The following COL5A3 variants were observed in gnomAD, a reference collection of about 807,000 sequenced individuals.
COL5A3 encodes collagen alpha-3(V) chain.
In COL5A3, 172 loss-of-function variants were observed where a neutral mutation model predicts 250.0. The ratio of observed to expected loss-of-function variants is 0.69; its 90% CI spans 0.61 to 0.78. COL5A3 has a LOEUF of 0.78. COL5A3 is among the 30% of genes least tolerant of loss of function. COL5A3 has a pLI of 0.00. For synonymous variants in COL5A3, 937 were observed against 900.4 expected (o/e 1.04, Z -0.73); for missense variants, 2,340 against 2,334.4 (o/e 1.00, Z -0.05).
chr19:9,980,893 A>AG, intron 33 of COL5A3, 34 bp from the exon 34 acceptor site: 1 of 1,589,350 alleles, frequency 6.3e-7, no homozygotes, highest in Non-Finnish European at 8.6e-7. Flanking sequence ...ATCAGATATG[A>AG]GGGGGTGGGG....
Position 9,979,218 on chromosome 19 carries a change from G to A in COL5A3, c.2788C>T (p.Pro930Ser), listed in dbSNP as rs1203790519. ...CCTGGAGGCCCCCTTTCACCTAGAG[G>A]TCCCACTTCTCCTGTCTTTCCCTGG... is the stretch of plus-strand genomic sequence containing the variant. The part of the protein sequence containing the change: ...GPQGKTGEVG[P>S]LGERGPPGPP... Residue 930 changes from proline (P) to serine (S), a missense_variant, in exon 39 of 67, where the codon CCT (proline) becomes TCT (serine). Pro to Ser is a moderately conservative substitution (Grantham distance 74). Around this residue, in one of 3 missense-constraint regions of COL5A3, gnomAD observed 1,179 missense variants for 1,162.6 expected, o/e 1.01. Transcript: ENST00000264828. The A allele has an allele frequency of 4.4e-6, 7 of 1,607,630 alleles. No individual in the cohort carries two copies. Among genetic ancestry groups the A allele is most frequent in the Non-Finnish European group, 5.1e-6 (6 of 1,177,898 alleles).
Position 9,965,597 on chromosome 19 carries a change from C to T in COL5A3, c.4782+717G>A, listed in dbSNP as rs112083467. On this transcript the variant is annotated intron_variant, in intron 64 of 66. Coordinates refer to ENST00000264828, the MANE Select transcript of COL5A3 (RefSeq NM_015719.4). ...GCCCCCGAGTAGCTGGGATTACAGG[C>T]GCCCGCCATCACGCTCAGCTGATTT... is the stretch of plus-strand genomic sequence containing the variant. Among the ~76,000 whole-genome samples the T allele has an allele frequency of 8.8e-3, 1,335 of 152,014 alleles. 14 individuals are homozygous for T. Among genetic ancestry groups the T allele is most frequent in the African/African-American group, 0.03 (1,249 of 41,438 alleles).
chr19:9,968,774 C>G lies in COL5A3; in HGVS notation c.4153-46G>C. 1.3e-6 allele frequency: 2 copies of G among 1,553,438 alleles called. No homozygotes were observed. The highest frequency in any genetic ancestry group is 1.8e-6 in the Non-Finnish European group (2 of 1,135,740). On this transcript the variant is annotated intron_variant, in intron 57 of 66. Coordinates refer to ENST00000264828, the MANE Select transcript of COL5A3 (RefSeq NM_015719.4). The surrounding 1 kb of genome is among the most constrained non-coding windows in gnomAD (Gnocchi z 4.1). ...AGTTAGGGATTCTCAAATGTGAACTCGAGGTCTGTGTGGGTGGTTAGGGGA... is the reference window on the plus strand; with the variant it reads ...AGTTAGGGATTCTCAAATGTGAACTGGAGGTCTGTGTGGGTGGTTAGGGGA...
At chr19:9,994,296 A>G (rs2145124965) in intron 16 of COL5A3, among the ~76,000 whole-genome samples, 1 of 151,466 alleles carries the variant, frequency 6.6e-6, no homozygotes, top group Non-Finnish European at 1.5e-5. Flanking sequence ...CTCCCACCTC[A>G]GCCTCCCAAG....
intron 34 of COL5A3, 32 bp from the exon 35 acceptor site, chr19:9,980,724 G>T (rs773159579): frequency 1.2e-6 from 2 of 1,614,112 alleles, no homozygotes; most frequent in Admixed American, 3.3e-5. Flanking sequence ...TCAGGCCCCA[G>T]AACAAACTCA....
intron 53 of COL5A3, 54 bp downstream of exon 53, chr19:9,970,921 T>C: frequency 1.6e-6 from 2 of 1,254,936 alleles, no homozygotes; most frequent in Non-Finnish European, 2.2e-6. Flanking sequence ...ATTCACTCAC[T>C]CATTAGCTCC....
At chr19:10,007,523 G>A (rs550493327) in intron 1 of COL5A3, among the ~76,000 whole-genome samples, 1 of 152,270 alleles carries the variant, frequency 6.6e-6, no homozygotes, top group Non-Finnish European at 1.5e-5. Flanking sequence ...GCAGGGGCGG[G>A]TGGGGGCTTC....
chr19:9,986,302 G>A lies in COL5A3; in HGVS notation c.2352+13C>T, dbSNP rs1323174780. The A allele has an allele frequency of 6.6e-7, 1 of 1,506,042 alleles. No homozygotes were observed. The highest frequency in any genetic ancestry group is 2.3e-5 in the East Asian group (1 of 44,276). 93.3% of individuals were successfully genotyped at this position (1,506,042 alleles called of 1,614,324 possible). ...CTTGACTGTGGGAGGCTAGAGGGTG[G>A]AGAGTCATTTACCTTCTCCCCAGCT... On this transcript the variant is annotated intron_variant, in intron 30 of 66. Coordinates refer to ENST00000264828, the MANE Select transcript of COL5A3 (RefSeq NM_015719.4).
Position 9,989,525 on chromosome 19 carries a change from G to T in COL5A3, c.1993-3C>A. ...ATTCCTGGGTTTCCAGGGGGACCCT[G>T]AAAGAAGATGAACAGCAGGGGAGAG... is the stretch of plus-strand genomic sequence containing the variant. On this transcript the variant is annotated splice_polypyrimidine_tract_variant and splice_region_variant and intron_variant, in intron 24 of 66. Transcript: ENST00000264828. The T allele has an allele frequency of 6.2e-7, 1 of 1,610,478 alleles. No individual in the cohort carries two copies. Among genetic ancestry groups the T allele is most frequent in the Non-Finnish European group, 8.5e-7 (1 of 1,178,144 alleles).
At position 9,977,218 on chromosome 19, in the gene COL5A3, C is replaced by T. The variant is rs532575642; in HGVS notation, c.3288+11G>A. ...CCACCCCACCCTGCCCCACTGGGGACCTTCACTCACCGCGTCTCCTTTATC... is the reference window on the plus strand; with the variant it reads ...CCACCCCACCCTGCCCCACTGGGGATCTTCACTCACCGCGTCTCCTTTATC... On this transcript the variant is annotated intron_variant, in intron 44 of 66. Transcript: ENST00000264828. 2.5e-6 allele frequency: 4 copies of T among 1,613,550 alleles called. No individual in the cohort carries two copies. The highest frequency in any genetic ancestry group is 1.7e-5 in the Admixed American group (1 of 60,022).
rs1315349613 is a variant in COL5A3 at position 9,970,062 on chromosome 19, TGAGTGGGGG to T, written c.3937-149_3937-141del. The T allele has an allele frequency of 2.4e-4, 34 of 141,206 alleles. 3 individuals carry two copies. Among genetic ancestry groups the T allele is most frequent in the African/African-American group, 2.2e-3 (14 of 6,388 alleles). The allele number at this position is 141,206 out of a possible 1,614,324, so 8.7% of individuals were successfully genotyped here. A position where few individuals can be genotyped will look rare whatever the true frequency, so the allele number is the denominator to read the frequency against. ...GTCTGTGGGGTGAATGAGGTCTGGG[TGAGTGGGGG>T]CTGTGGGTGAGTGGGGGCTGTGGCT... On this transcript the variant is annotated intron_variant, in intron 54 of 66. Transcript: ENST00000264828.
Position 9,977,419 on chromosome 19 carries a change from CAGGGGCCCTGGGATCCCAT to C in COL5A3, c.3161_3179del (p.Asp1054GlyfsTer84). The C allele has an allele frequency of 6.5e-7, 1 of 1,532,472 alleles. No individual in the cohort carries two copies. Among genetic ancestry groups the C allele is most frequent in the Non-Finnish European group, 8.8e-7 (1 of 1,141,850 alleles). 94.9% of individuals were successfully genotyped at this position (1,532,472 alleles called of 1,614,324 possible). A position where few individuals can be genotyped will look rare whatever the true frequency, so the allele number is the denominator to read the frequency against. ...CAGCTCCAGGGGGTCCCAGAGGCCCCAGGGGCCCTGGGATCCCATCTTTGCCAGTGGGGCCAGGGGGGCC... is the reference window on the plus strand; with the variant it reads ...CAGCTCCAGGGGGTCCCAGAGGCCCCCTTTGCCAGTGGGGCCAGGGGGGCC... On this transcript the variant is annotated frameshift_variant, in exon 43 of 67. Transcript: ENST00000264828. LOFTEE classifies it high-confidence loss of function.
At chr19:9,997,284 A>G (rs2145130153) in intron 11 of COL5A3, 87 bp downstream of exon 11, 1 of 1,002,924 alleles carries the variant, frequency 1.0e-6, no homozygotes, top group Non-Finnish European at 1.6e-6. Context: ...CGAGTGCCAC[A>G]CCCTCATATC....
intron 39 of COL5A3, 59 bp downstream of exon 39, chr19:9,979,073 T>C: frequency 6.7e-7 from 1 of 1,481,848 alleles, no homozygotes; most frequent in Non-Finnish European, 9.1e-7. Flanking sequence ...TGAGACTGAT[T>C]CTGAGTCCTT....
intron 32 of COL5A3, among the ~76,000 whole-genome samples, chr19:9,981,599 G>A (rs534110346): frequency 6.6e-6 from 1 of 152,252 alleles, no homozygotes; most frequent in South Asian, 2.1e-4. Context: ...TACATACAAT[G>A]TTCATTAACA....
At chr19:9,963,360 C>A (rs1029604052) in intron 64 of COL5A3, among the ~76,000 whole-genome samples, 1 of 151,868 alleles carries the variant, frequency 6.6e-6, no homozygotes, top group South Asian at 2.1e-4. Flanking sequence ...GTAGCTAGAA[C>A]TACAGGCATG....
chr19:9,971,373 C>T, intron 51 of COL5A3, 115 bp from the exon 52 acceptor site: 3 of 760,930 alleles, frequency 3.9e-6, no homozygotes, highest in Non-Finnish European at 6.3e-6. Context: ...CATTAGTGAA[C>T]AAAACATAAA....
intron 38 of COL5A3, 30 bp downstream of exon 38, chr19:9,979,334 A>G (rs1465053203): frequency 6.2e-7 from 1 of 1,613,640 alleles, no homozygotes; most frequent in Non-Finnish European, 8.5e-7. Context: ...CTGGTACAAA[A>G]CAAGGGAGGT....
rs57037583 is a variant in COL5A3 at position 9,964,854 on chromosome 19, T to TAAA, written c.4782+1457_4782+1459dup. ...CAACGTAGTGAAACCCCATCTCTAC[T>TAAA]AAAAAAAAAAAAAAAAAAAAAAAAA... On this transcript the variant is annotated intron_variant, in intron 64 of 66. Coordinates refer to ENST00000264828, the MANE Select transcript of COL5A3 (RefSeq NM_015719.4). 1.1e-3 allele frequency among the ~76,000 whole-genome samples: 54 copies of TAAA among 49,004 alleles called. 4 individuals carry two copies. The highest frequency in any genetic ancestry group is 2.8e-3 in the South Asian group (3 of 1,090). The allele number at this position is 49,004 out of a possible 152,430, so 32.1% of individuals were successfully genotyped here.
Sources: gnomAD v4.1 joint callset for allele counts (sites outside exome capture counted in the v4.1 genomes callset) on GRCh38, gnomAD v4.1.1 for gene constraint, gnomAD v4.1.1 regional missense constraint, Gnocchi (gnomAD v3.1) non-coding constraint, MANE v1.5 for transcripts, NCBI Gene and HGNC (gene_info 2026-07-23, HGNC 2026-07-21) for gene names.